ANKRD11: variants seen among roughly 807,000 people sequenced by gnomAD.
ANKRD11 encodes ankyrin repeat domain-containing protein 11.
ANKRD11 carries 17 observed loss-of-function variants against 195.7 expected under a neutral mutation model. The observed-to-expected ratio is 0.09, with a 90% CI of 0.06 to 0.13. The LOEUF (loss-of-function observed/expected upper bound fraction) is 0.13. Ranked by LOEUF, ANKRD11 falls within the 10% of genes least tolerant of loss-of-function variation. The pLI, the probability that ANKRD11 is intolerant of heterozygous loss-of-function variation, is 1.00. For synonymous variants in ANKRD11, 1,953 were observed against 1,528.1 expected (o/e 1.28, Z -6.49); for missense variants, 3,735 against 3,566.1 (o/e 1.05, Z -1.21).
intron 1 of ANKRD11, among the ~76,000 whole-genome samples, chr16:89,445,227 G>A (rs1189222973): frequency 6.6e-6 from 1 of 152,200 alleles, no homozygotes; most frequent in East Asian, 1.9e-4. Flanking sequence ...CAGGCTGTTT[G>A]GACATGGCAT....
chr16:89,369,633 G>A (rs1051458298), intron 2 of ANKRD11, among the ~76,000 whole-genome samples: 8 of 152,210 alleles, frequency 5.3e-5, no homozygotes, highest in African/African-American at 1.9e-4. Context: ...GGTCACAGAA[G>A]GACAACCAGG....
intron 2 of ANKRD11, among the ~76,000 whole-genome samples, chr16:89,409,667 C>A (rs2930220): frequency 0.021 from 3,177 of 152,238 alleles, 75 homozygotes; most frequent in East Asian, 0.11. Context: ...CACACACACA[C>A]GAAAACTGGT....
rs764052859 is a variant in ANKRD11, at chr16:89,281,324, C to T, written c.5218G>A (p.Ala1740Thr). The T allele has an allele frequency of 4.3e-6, 7 of 1,613,756 alleles. No homozygotes were observed. The highest frequency in any genetic ancestry group is 3.3e-5 in the Admixed American group (2 of 60,014). ...ACGGGCGTGGAGTGCTGCGAGTCGG[C>T]GCAGTCGAACACGAGGTCCGCGTAG... Reference protein sequence around the residue: ...DDYADLVFDCADSQHSTPVPT... With the variant: ...DDYADLVFDCTDSQHSTPVPT... Residue 1740 changes from alanine (A) to threonine (T), a missense_variant, in exon 9 of 13, where the codon GCC (alanine) becomes ACC (threonine). By Grantham distance (58) the Ala-to-Thr change is moderately conservative (BLOSUM62 0). Transcript: ENST00000301030. The surrounding 1 kb of genome is among the most constrained non-coding windows in gnomAD (Gnocchi z 5.5).
Position 89,281,302 on chromosome 16 carries a change from G to A in ANKRD11, c.5240C>T (p.Pro1747Leu), listed in dbSNP as rs2034217973. 1.2e-6 allele frequency: 2 copies of A among 1,614,178 alleles called. No individual in the cohort carries two copies. The highest frequency in any genetic ancestry group is 4.5e-5 in the East Asian group (2 of 44,886). Reference sequence around the variant, plus strand: ...GGCGCTGGTGGGAGCGGTGGGCACGGGCGTGGAGTGCTGCGAGTCGGCGCA... The same window carrying A: ...GGCGCTGGTGGGAGCGGTGGGCACGAGCGTGGAGTGCTGCGAGTCGGCGCA... ...FDCADSQHST[P>L]VPTAPTSACS... The change falls in exon 9 of 13, where the codon CCC (proline) becomes CTC (leucine). Residue 1747 changes from proline (P) to leucine (L), a missense_variant. Transcript: ENST00000301030. The surrounding 1 kb of genome is among the most constrained non-coding windows in gnomAD (Gnocchi z 5.5).
chr16:89,275,085 C>T lies in ANKRD11; in HGVS notation c.7569+8G>A. ...GTGGCGCCCCCCTGCCTGTGCCAGC[C>T]CACTTACCCGCTCGATGCTGTGCTG... is the stretch of plus-strand genomic sequence containing the variant. On this transcript the variant is annotated splice_region_variant and intron_variant, in intron 10 of 12. Transcript: ENST00000301030. The T allele has an allele frequency of 6.2e-7, 1 of 1,612,900 alleles. No homozygotes were observed. The highest frequency in any genetic ancestry group is 8.5e-7 in the Non-Finnish European group (1 of 1,179,706).
At chr16:89,384,338 C>T (rs969523450) in intron 2 of ANKRD11, among the ~76,000 whole-genome samples, 1 of 152,158 alleles carries the variant, frequency 6.6e-6, no homozygotes, top group African/African-American at 2.4e-5. Flanking sequence ...CGAGACCAGC[C>T]CGTCCAACAT....
At chr16:89,439,835 C>G (rs192278347) in intron 1 of ANKRD11, among the ~76,000 whole-genome samples, 51 of 152,318 alleles carry the variant, frequency 3.3e-4, no homozygotes, top group Non-Finnish European at 6.2e-4. Flanking sequence ...ACCAACAGAG[C>G]CAGCTGTAAG....
intron 4 of ANKRD11, among the ~76,000 whole-genome samples, chr16:89,304,898 C>T (rs1202803289): frequency 6.6e-6 from 1 of 152,216 alleles, no homozygotes; most frequent in East Asian, 1.9e-4. Context: ...GTCCAGCTGT[C>T]AGAAGACCCA....
intron 2 of ANKRD11, among the ~76,000 whole-genome samples, chr16:89,360,989 G>C (rs2039705098): frequency 6.6e-6 from 1 of 152,130 alleles, no homozygotes; most frequent in Non-Finnish European, 1.5e-5. Flanking sequence ...CTCACATCCA[G>C]ATGGATCCGA....
intron 1 of ANKRD11, among the ~76,000 whole-genome samples, chr16:89,450,617 G>A (rs962580220): frequency 6.6e-6 from 1 of 151,990 alleles, no homozygotes; most frequent in East Asian, 1.9e-4. Context: ...ATTCTCTTTC[G>A]CTATGCATAC....
chr16:89,317,185 G>T, intron 2 of ANKRD11, 107 bp from the exon 3 acceptor site: 1 of 839,672 alleles, frequency 1.2e-6, no homozygotes. Flanking sequence ...GCAGGCAGCT[G>T]CTCTGATCAG....
intron 2 of ANKRD11, 141 bp from the exon 3 acceptor site, chr16:89,317,219 G>C (rs1478589330): frequency 1.5e-6 from 1 of 687,040 alleles, no homozygotes. Flanking sequence ...GCCAGGCCCA[G>C]GAAGGGACTT....
At chr16:89,467,629 T>A (rs1433155661) in intron 1 of ANKRD11, among the ~76,000 whole-genome samples, 2 of 152,008 alleles carry the variant, frequency 1.3e-5, no homozygotes, top group African/African-American at 4.8e-5. Context: ...CCTCTCAAAG[T>A]GCTGAGACTA....
intron 2 of ANKRD11, chr16:89,373,204 T>C (rs986268901): frequency 2.0e-5 from 3 of 152,220 alleles, no homozygotes; most frequent in South Asian, 2.1e-4. Flanking sequence ...AACTAAGACG[T>C]TTACCCAAGA....
intron 1 of ANKRD11, chr16:89,489,243 G>A (rs12918079): frequency 2.1e-5 from 3 of 141,376 alleles, no homozygotes; most frequent in African/African-American, 5.1e-5. Context: ...GCGCGCGCGC[G>A]CGCACACACA....
At chr16:89,382,309 C>T (rs544837359) in intron 2 of ANKRD11, among the ~76,000 whole-genome samples, 13 of 147,862 alleles carry the variant, frequency 8.8e-5, no homozygotes, top group Non-Finnish European at 1.7e-4. Flanking sequence ...GCCAGGCACC[C>T]GAAGTCTAGA....
chr16:89,367,778 T>C (rs2040012032), intron 2 of ANKRD11, among the ~76,000 whole-genome samples: 1 of 152,156 alleles, frequency 6.6e-6, no homozygotes, highest in Non-Finnish European at 1.5e-5. Context: ...CTGCTGCCTC[T>C]TGCAAACTAT....
chr16:89,475,188 T>A (rs1372382476), intron 1 of ANKRD11, among the ~76,000 whole-genome samples: 2 of 152,016 alleles, frequency 1.3e-5, no homozygotes, highest in African/African-American at 4.8e-5. Flanking sequence ...ATGGACTAAC[T>A]CACAGGTAGG....
At chr16:89,345,757 T>C (rs2038910427) in intron 2 of ANKRD11, among the ~76,000 whole-genome samples, 1 of 152,150 alleles carries the variant, frequency 6.6e-6, no homozygotes. Context: ...ACCAGGTGCA[T>C]GCTGTGCACA....
Sources: gnomAD v4.1 joint callset for allele counts (sites outside exome capture counted in the v4.1 genomes callset) on GRCh38, gnomAD v4.1.1 for gene constraint, Gnocchi (gnomAD v3.1) non-coding constraint, MANE v1.5 for transcripts, NCBI Gene and HGNC (gene_info 2026-07-23, HGNC 2026-07-21) for gene names.